ANO1: variants seen among roughly 807,000 people sequenced by gnomAD.
The protein encoded by ANO1 is anoctamin-1.
ANO1 carries 59 observed loss-of-function variants against 124.0 expected under a neutral mutation model. That is an observed-to-expected ratio of 0.48 (90% CI 0.39 to 0.59). The LOEUF (loss-of-function observed/expected upper bound fraction) is 0.59. Ranked by LOEUF, ANO1 falls within the 20% of genes least tolerant of loss-of-function variation. The pLI is 0.00. For missense variants in ANO1, 1,059 were observed against 1,328.0 expected (o/e 0.80, Z 3.15); for synonymous variants, 529 against 532.0 (o/e 0.99, Z 0.08).
intron 1 of ANO1, among the ~76,000 whole-genome samples, chr11:70,009,693 T>C (rs1338537896): frequency 1.3e-5 from 2 of 152,104 alleles, no homozygotes; most frequent in African/African-American, 4.8e-5. Context: ...AAGCTTCTAC[T>C]CATGGTGGAA....
intron 5 of ANO1, among the ~76,000 whole-genome samples, chr11:70,107,033 G>C (rs545191431): frequency 1.3e-5 from 2 of 152,202 alleles, no homozygotes; most frequent in African/African-American, 4.8e-5. Flanking sequence ...TAAATGACTG[G>C]TGGATGAGGG....
chr11:70,086,707 G>A (rs1173403879), intron 1 of ANO1, among the ~76,000 whole-genome samples: 1 of 152,246 alleles, frequency 6.6e-6, no homozygotes, highest in Non-Finnish European at 1.5e-5. Flanking sequence ...GGTACTGGCA[G>A]TGGGATGTGC....
At chr11:70,013,029 A>G (rs1856628942) in intron 1 of ANO1, among the ~76,000 whole-genome samples, 1 of 152,232 alleles carries the variant, frequency 6.6e-6, no homozygotes, top group Admixed American at 6.5e-5. Context: ...AGGTGCTTTG[A>G]GAATTTACAC....
At chr11:70,180,720 A>G (rs1172623421) in intron 23 of ANO1, among the ~76,000 whole-genome samples, 2 of 152,204 alleles carry the variant, frequency 1.3e-5, no homozygotes, top group African/African-American at 4.8e-5. Context: ...AGACAGAGAC[A>G]GAGGGAGAGA....
intron 16 of ANO1, among the ~76,000 whole-genome samples, chr11:70,159,075 G>A (rs2047941658): frequency 2.6e-5 from 4 of 152,218 alleles, no homozygotes. Flanking sequence ...CGGGAAGGAG[G>A]TGGCCGTCTA....
chr11:70,095,489 T>C (rs776033560), intron 2 of ANO1, among the ~76,000 whole-genome samples: 14 of 152,100 alleles, frequency 9.2e-5, no homozygotes, highest in Non-Finnish European at 1.8e-4. Context: ...ATTCATGTTT[T>C]TAAAGTGACC....
At chr11:70,053,444 T>G (rs1857385558) in intron 1 of ANO1, among the ~76,000 whole-genome samples, 2 of 152,188 alleles carry the variant, frequency 1.3e-5, no homozygotes, top group African/African-American at 4.8e-5. Context: ...CTAAGAGTTC[T>G]TATACACAGG....
intron 7 of ANO1, among the ~76,000 whole-genome samples, chr11:70,114,338 C>T (rs572173908): frequency 1.3e-5 from 2 of 152,318 alleles, no homozygotes; most frequent in South Asian, 2.1e-4. Context: ...GAAGGGCGCC[C>T]GTGCTGCTAA....
At chr11:70,029,064 G>T (rs1226853126) in intron 1 of ANO1, among the ~76,000 whole-genome samples, 1 of 152,204 alleles carries the variant, frequency 6.6e-6, no homozygotes, top group African/African-American at 2.4e-5. Context: ...TTACAGGCAT[G>T]AGCCACTGCG....
chr11:70,013,768 C>T (rs1458215412), intron 1 of ANO1, among the ~76,000 whole-genome samples: 2 of 103,842 alleles, frequency 1.9e-5, no homozygotes, highest in Non-Finnish European at 4.2e-5. Flanking sequence ...CGCCACTGCA[C>T]TCCAGCCTGG....
In ANO1 at chr11:70,123,069, C is replaced by T. The variant is rs746831607; in HGVS notation, c.898-1281C>T. Reference sequence around the variant, plus strand: ...CGCATGAGCCCATCTGCCTTCTCTCCATGCCCTGGGAGGAGAGATCGCATC... The same window carrying T: ...CGCATGAGCCCATCTGCCTTCTCTCTATGCCCTGGGAGGAGAGATCGCATC... On this transcript the variant is annotated intron_variant, in intron 8 of 25. Coordinates refer to ENST00000355303, the MANE Select transcript of ANO1 (RefSeq NM_018043.7). 3.1e-3 allele frequency among the ~76,000 whole-genome samples: 466 copies of T among 152,286 alleles called. 4 individuals are homozygous for T. Among genetic ancestry groups the T allele is most frequent in the Non-Finnish European group, 3.8e-3 (257 of 68,034 alleles).
At chr11:70,181,126 A>G (rs1446357839) in intron 23 of ANO1, among the ~76,000 whole-genome samples, 2 of 152,342 alleles carry the variant, frequency 1.3e-5, no homozygotes, top group East Asian at 3.9e-4. Flanking sequence ...CGAGGCAGCC[A>G]TGGGGAGTCT....
intron 24 of ANO1, among the ~76,000 whole-genome samples, chr11:70,184,398 G>A (rs2049032477): frequency 6.6e-6 from 1 of 152,138 alleles, no homozygotes; most frequent in African/African-American, 2.4e-5. Context: ...CCTTCCTGAG[G>A]CTCCAATCAT....
At chr11:70,149,202 C>T (rs111722489) in intron 11 of ANO1, among the ~76,000 whole-genome samples, 3 of 152,128 alleles carry the variant, frequency 2.0e-5, no homozygotes, top group Non-Finnish European at 2.9e-5. Context: ...TAACCTCGGT[C>T]GGGACTTGAG....
At chr11:69,987,604 CAAAAAAAAA>C (rs202001305) in intron 1 of ANO1, among the ~76,000 whole-genome samples, 3 of 109,738 alleles carry the variant, frequency 2.7e-5, no homozygotes, top group African/African-American at 1.3e-4. Flanking sequence ...GACCATGTCT[CAAAAAAAAA>C]AAAAAAAAAA....
chr11:70,028,566 G>C (rs1555003444), intron 1 of ANO1, among the ~76,000 whole-genome samples: 1 of 151,868 alleles, frequency 6.6e-6, no homozygotes, highest in African/African-American at 2.4e-5. Flanking sequence ...CATCATGTCT[G>C]AATCCCCAAA....
chr11:70,091,132 G>A (rs2044609827), intron 2 of ANO1, among the ~76,000 whole-genome samples: 1 of 152,230 alleles, frequency 6.6e-6, no homozygotes, highest in African/African-American at 2.4e-5. Context: ...CTGCCAGCGT[G>A]GTTAGCAGAC....
chr11:70,076,534 T>C (rs1296898798), upstream of ANO1, among the ~76,000 whole-genome samples: 1 of 152,204 alleles, frequency 6.6e-6, no homozygotes, highest in African/African-American at 2.4e-5. Flanking sequence ...TTACACAATG[T>C]TGGTTGTTTA....
At chr11:70,169,757 C>T (rs1252252596) in intron 21 of ANO1, among the ~76,000 whole-genome samples, 1 of 152,150 alleles carries the variant, frequency 6.6e-6, no homozygotes, top group African/African-American at 2.4e-5. Context: ...CATGGCCCAT[C>T]CTACCTGCTA....
Sources: allele counts gnomAD v4.1 joint callset (sites outside exome capture counted in the v4.1 genomes callset), GRCh38; gene constraint gnomAD v4.1.1; transcripts MANE v1.5; gene names NCBI Gene and HGNC (gene_info 2026-07-23, HGNC 2026-07-21).